The following TTC7B variants were observed in gnomAD, a reference collection of about 807,000 sequenced individuals.
TTC7B encodes tetratricopeptide repeat domain 7B, also known as tetratricopeptide repeat protein 7B.
TTC7B carries 28 observed loss-of-function variants against 106.8 expected under a neutral mutation model. That is an observed-to-expected ratio of 0.26 (90% CI 0.19 to 0.36). TTC7B has a LOEUF of 0.36. TTC7B is among the 10% of genes least tolerant of loss of function. The pLI, the probability that TTC7B is intolerant of heterozygous loss-of-function variation, is 1.00. For synonymous variants in TTC7B, 405 were observed against 430.6 expected, an observed-to-expected ratio of 0.94 and a Z score of 0.74; for missense variants, 862 against 1,076.4, an observed-to-expected ratio of 0.80 and a Z score of 2.79.
At chr14:90,662,012 CAGG>C (rs1368413038) in intron 9 of TTC7B, among the ~76,000 whole-genome samples, 2 of 152,206 alleles carry the variant, frequency 1.3e-5, no homozygotes, top group Non-Finnish European at 2.9e-5. Context: ...CAGTCCTCAT[CAGG>C]AGTAGAATCA....
At chr14:90,788,691 G>A (rs1053295241) in intron 1 of TTC7B, among the ~76,000 whole-genome samples, 11 of 152,120 alleles carry the variant, frequency 7.2e-5, no homozygotes, top group Middle Eastern at 3.4e-3. Flanking sequence ...TAGGCAGGGC[G>A]CAGTGGCTCA....
intron 18 of TTC7B, among the ~76,000 whole-genome samples, chr14:90,592,866 A>G (rs1029853711): frequency 2.6e-5 from 4 of 152,040 alleles, no homozygotes; most frequent in African/African-American, 7.2e-5. Flanking sequence ...CTGTCTCTCT[A>G]TGAAATTACA....
intron 17 of TTC7B, among the ~76,000 whole-genome samples, chr14:90,601,082 TCC>T (rs1170798427): frequency 6.6e-6 from 1 of 152,168 alleles, no homozygotes; most frequent in Admixed American, 6.5e-5. Context: ...CTCCTATCAT[TCC>T]ACTCAATCTT....
At chr14:90,754,667 C>T (rs1043653588) in intron 3 of TTC7B, among the ~76,000 whole-genome samples, 1 of 152,160 alleles carries the variant, frequency 6.6e-6, no homozygotes, top group Non-Finnish European at 1.5e-5. Flanking sequence ...ATAGTCGCCA[C>T]TAGCTAATTC....
intron 1 of TTC7B, among the ~76,000 whole-genome samples, chr14:90,804,259 G>C (rs924506133): frequency 6.6e-6 from 1 of 152,050 alleles, no homozygotes; most frequent in Non-Finnish European, 1.5e-5. Flanking sequence ...GCGTGAACCC[G>C]GGAGGCGGAG....
chr14:90,753,193 A>G (rs8003239), intron 3 of TTC7B, among the ~76,000 whole-genome samples: 108,223 of 152,212 alleles, frequency 0.71, 39,041 homozygotes, highest in African/African-American at 0.83. Flanking sequence ...TATAACTCTA[A>G]GCACTGCTTC....
At chr14:90,598,677 A>G (rs1892311254) in intron 17 of TTC7B, among the ~76,000 whole-genome samples, 1 of 152,242 alleles carries the variant, frequency 6.6e-6, no homozygotes, top group Admixed American at 6.5e-5. Context: ...CAAGTAGGAC[A>G]CTGGGACGGC....
chr14:90,683,144 A>G (rs1482954810), intron 7 of TTC7B, among the ~76,000 whole-genome samples: 8 of 152,226 alleles, frequency 5.3e-5, no homozygotes. Flanking sequence ...TAGCCATTAT[A>G]TAACTAATGA....
At chr14:90,691,738 T>C (rs1057499820) in intron 6 of TTC7B, among the ~76,000 whole-genome samples, 11 of 152,228 alleles carry the variant, frequency 7.2e-5, no homozygotes, top group African/African-American at 2.7e-4. Flanking sequence ...CCACTTTAAT[T>C]ATTTAAAGTG....
chr14:90,555,835 C>T (rs569944883), intron 19 of TTC7B, among the ~76,000 whole-genome samples: 1 of 152,246 alleles, frequency 6.6e-6, no homozygotes, highest in East Asian at 1.9e-4. Flanking sequence ...AAGCTGAGAG[C>T]TGCCTCTGCC....
intron 5 of TTC7B, among the ~76,000 whole-genome samples, chr14:90,714,045 T>G (rs1215178611): frequency 6.6e-6 from 1 of 152,068 alleles, no homozygotes; most frequent in African/African-American, 2.4e-5. Flanking sequence ...CTGACTAACA[T>G]GGAGAAACTT....
chr14:90,716,142 G>A (rs1888647276), intron 5 of TTC7B, among the ~76,000 whole-genome samples: 1 of 152,182 alleles, frequency 6.6e-6, no homozygotes, highest in African/African-American at 2.4e-5. Context: ...AACAGGTGAA[G>A]CTTTACAGCC....
rs188317764 is a variant in TTC7B at position 90,783,628 on chromosome 14, A to G, written c.276+2546T>C. Among the ~76,000 whole-genome samples the G allele has an allele frequency of 1.2e-4, 18 of 152,326 alleles. No individual in the cohort carries two copies. In the East Asian group the frequency reaches 3.5e-3, roughly 29 times the overall value. The stretch of plus-strand genomic sequence containing the variant: ...AAATCCAGAACTGGACTCAGACTCA[A>G]GCATTTTAACTTGAATTAAATTCAA... On this transcript the variant is annotated intron_variant, in intron 2 of 19. Transcript: ENST00000328459.
At chr14:90,694,988 A>ATTAT (rs1887653345) in intron 6 of TTC7B, among the ~76,000 whole-genome samples, 1 of 133,274 alleles carries the variant, frequency 7.5e-6, no homozygotes, top group Non-Finnish European at 1.6e-5. Context: ...ACATATATTT[A>ATTAT]TAACACATAT....
intron 5 of TTC7B, among the ~76,000 whole-genome samples, chr14:90,709,077 C>T (rs1888328731): frequency 1.3e-5 from 2 of 151,996 alleles, no homozygotes; most frequent in South Asian, 2.1e-4. Flanking sequence ...AACACTTTTA[C>T]ACTGTTGGTG....
intron 15 of TTC7B, among the ~76,000 whole-genome samples, chr14:90,637,196 T>G (rs1465336655): frequency 6.6e-6 from 1 of 151,744 alleles, no homozygotes; most frequent in Non-Finnish European, 1.5e-5. Flanking sequence ...TGAAAAAAAC[T>G]TAACCAACAA....
chr14:90,735,021 T>C (rs1435229694), intron 4 of TTC7B, among the ~76,000 whole-genome samples: 7 of 152,112 alleles, frequency 4.6e-5, no homozygotes, highest in African/African-American at 1.7e-4. Flanking sequence ...TGACCTCAGG[T>C]GATCCACCTG....
chr14:90,653,945 A>C (rs955329615), intron 12 of TTC7B, among the ~76,000 whole-genome samples: 1 of 152,208 alleles, frequency 6.6e-6, no homozygotes, highest in Non-Finnish European at 1.5e-5. Context: ...ACTATGTCAA[A>C]AGCTATGTGC....
chr14:90,586,883 T>G (rs1022756775), intron 18 of TTC7B, among the ~76,000 whole-genome samples: 1 of 152,128 alleles, frequency 6.6e-6, no homozygotes, highest in African/African-American at 2.4e-5. Context: ...CAGCAAATGG[T>G]GTCACCAGTC....
Sources: gnomAD v4.1 joint callset for allele counts (sites outside exome capture counted in the v4.1 genomes callset) on GRCh38, gnomAD v4.1.1 for gene constraint, MANE v1.5 for transcripts, NCBI Gene and HGNC (gene_info 2026-07-23, HGNC 2026-07-21) for gene names.